The following POR variants were observed in gnomAD, a reference collection of about 807,000 sequenced individuals.
The protein encoded by POR is cytochrome p450 oxidoreductase.
In POR, 56 loss-of-function variants were observed where a neutral mutation model predicts 84.0. That is an observed-to-expected ratio of 0.67 (90% CI 0.54 to 0.83). The LOEUF is 0.83. Ranked by LOEUF, POR falls within the 40% of genes least tolerant of loss-of-function variation. The probability of loss-of-function intolerance (pLI) is 0.00; values close to 1 mark genes in which losing one functional copy is unlikely to be tolerated. For missense variants in POR, 938 were observed against 944.3 expected (o/e 0.99, Z 0.09); for synonymous variants, 414 against 400.5 (o/e 1.03, Z -0.40).
chr7:75,973,626 T>C (rs1392818289), intron 3 of POR, among the ~76,000 whole-genome samples: 5 of 151,092 alleles, frequency 3.3e-5, no homozygotes, highest in East Asian at 1.9e-4. Flanking sequence ...CCTACACTTT[T>C]CTTAAAACAC....
intron 1 of POR, among the ~76,000 whole-genome samples, chr7:75,938,790 A>G (rs1807824186): frequency 6.6e-6 from 1 of 152,120 alleles, no homozygotes; most frequent in Non-Finnish European, 1.5e-5. Flanking sequence ...TTCGCCATCT[A>G]TGCATCCCCA....
chr7:75,919,065 C>T lies in POR; in HGVS notation c.-5+3886C>T, dbSNP rs544363784. Among the ~76,000 whole-genome samples, 61 of 150,632 alleles carry T rather than the reference C, an allele frequency of 4.0e-4. 1 individual carries two copies. In the South Asian group the frequency reaches 0.013, roughly 31 times the overall value. ...CCAGGCTGGAGTGCAGTGGTGTGAT[C>T]TTGGCTCACTGCAACCTCTGTCTCC... On this transcript the variant is annotated intron_variant, in intron 1 of 15. Coordinates refer to ENST00000461988, the MANE Select transcript of POR (RefSeq NM_000941.3).
At position 75,986,429 on chromosome 7, in the gene POR, A is replaced by C; in HGVS notation, c.1991A>C (p.Tyr664Ser). 1.2e-6 allele frequency: 2 copies of C among 1,612,390 alleles called. No homozygotes were observed. The highest frequency in any genetic ancestry group is 1.7e-5 in the Admixed American group (1 of 60,018). Reference sequence around the variant, plus strand: ...ATGGAGCACGCGCAGGCGGTGGACTACATCAAGAAACTGATGACCAAGGGC... The same window carrying C: ...ATGGAGCACGCGCAGGCGGTGGACTCCATCAAGAAACTGATGACCAAGGGC... Residue 664 changes from tyrosine to serine, a missense_variant, in exon 16 of 16, where the codon TAC becomes TCC. Coordinates refer to ENST00000461988, the MANE Select transcript of POR (RefSeq NM_000941.3).
intron 10 of POR, 96 bp from the exon 11 acceptor site, chr7:75,984,681 G>C: frequency 9.0e-7 from 1 of 1,108,224 alleles, no homozygotes; most frequent in Non-Finnish European, 1.4e-6. Context: ...ACCTGTTGCC[G>C]CAGAGCTGGC....
At chr7:75,955,871 A>T (rs1787664211) in intron 2 of POR, among the ~76,000 whole-genome samples, 2 of 152,132 alleles carry the variant, frequency 1.3e-5, no homozygotes, top group South Asian at 4.1e-4. Context: ...CTCACATCAA[A>T]TCCCGATTCC....
chr7:75,951,040 C>T (rs1554552683), intron 1 of POR, among the ~76,000 whole-genome samples: 2 of 113,222 alleles, frequency 1.8e-5, no homozygotes, highest in Non-Finnish European at 3.4e-5. Context: ...GCCTGGGTGA[C>T]AGAGCGAGGC....
At chr7:75,916,146 ATCAGTGGG>A (rs1379263972) in intron 1 of POR, among the ~76,000 whole-genome samples, 2 of 152,092 alleles carry the variant, frequency 1.3e-5, no homozygotes, top group Non-Finnish European at 2.9e-5. Context: ...CCGTTTTCTG[ATCAGTGGG>A]TCTGGTAGTA....
rs1223302280 is a variant in POR, at chr7:75,922,319, GTT to G, written c.-5+7159_-5+7160del. Among the ~76,000 whole-genome samples the G allele has an allele frequency of 6.6e-3, 835 of 125,584 alleles. 2 individuals carry two copies. Among genetic ancestry groups the G allele is most frequent in the Middle Eastern group, 0.029 (7 of 244 alleles). The allele number at this position is 125,584 out of a possible 152,430, so 82.4% of individuals were successfully genotyped here. A position where few individuals can be genotyped will look rare whatever the true frequency, so the allele number is the denominator to read the frequency against. On this transcript the variant is annotated intron_variant, in intron 1 of 15. Coordinates refer to ENST00000461988, the MANE Select transcript of POR (RefSeq NM_000941.3). ...ATGTCAAAATTGGGTCTGATCTGTAGTTTTTTTTTTTTTTTTTTTTGAGACAG... is the reference window on the plus strand; with the variant it reads ...ATGTCAAAATTGGGTCTGATCTGTAGTTTTTTTTTTTTTTTTTTGAGACAG...
intron 1 of POR, chr7:75,922,816 G>A: frequency 2.0e-6 from 1 of 504,546 alleles, no homozygotes. Flanking sequence ...AAAGCAGAAG[G>A]CTTATCAAGG....
Position 75,954,002 on chromosome 7 carries a change from A to G in POR, c.10A>G (p.Met4Val), listed in dbSNP as rs1787568000. The G allele has an allele frequency of 1.3e-6, 2 of 1,595,916 alleles. No individual in the cohort carries two copies. Among genetic ancestry groups the G allele is most frequent in the Middle Eastern group, 1.8e-4 (1 of 5,648 alleles). Reference sequence around the variant, plus strand: ...GTCTCCTAACAGTTTCATGATCAACATGGGAGACTCCCACGTGGACACCAG... The same window carrying G: ...GTCTCCTAACAGTTTCATGATCAACGTGGGAGACTCCCACGTGGACACCAG... The change falls in exon 2 of 16, where the codon ATG (methionine) becomes GTG (valine). Residue 4 changes from methionine (M) to valine (V), a missense_variant. Met to Val is a conservative substitution (Grantham distance 21). Coordinates refer to ENST00000461988, the MANE Select transcript of POR (RefSeq NM_000941.3).
At chr7:75,983,301 G>A (rs782089264) in intron 8 of POR, 17 of 511,302 alleles carry the variant, frequency 3.3e-5, no homozygotes, top group South Asian at 2.9e-4. Context: ...AGATCGCGCC[G>A]CTGCACTCCA....
intron 1 of POR, among the ~76,000 whole-genome samples, chr7:75,947,448 C>A (rs1404314165): frequency 6.6e-6 from 1 of 152,142 alleles, no homozygotes; most frequent in Non-Finnish European, 1.5e-5. Context: ...GCTCGCAGCA[C>A]CACGCCCAGC....
intron 2 of POR, chr7:75,967,950 G>A (rs1788257271): frequency 2.3e-6 from 1 of 429,134 alleles, no homozygotes; most frequent in Admixed American, 2.4e-5. Context: ...CACGGGCCCA[G>A]GCAACTTCCT....
intron 1 of POR, among the ~76,000 whole-genome samples, chr7:75,916,717 GCA>G (rs1178269545): frequency 1.3e-5 from 2 of 152,252 alleles, no homozygotes; most frequent in Non-Finnish European, 2.9e-5. Flanking sequence ...TTCAGGTCTA[GCA>G]CTTGAAGAAA....
At chr7:75,947,407 C>G (rs1210767472) in intron 1 of POR, among the ~76,000 whole-genome samples, 2 of 152,188 alleles carry the variant, frequency 1.3e-5, no homozygotes, top group Non-Finnish European at 2.9e-5. Flanking sequence ...TCCCAAATAG[C>G]TGGGATTACA....
chr7:75,979,379 G>A (rs1245519533), intron 3 of POR, 72 bp from the exon 4 acceptor site: 7 of 1,569,774 alleles, frequency 4.5e-6, no homozygotes, highest in African/African-American at 2.7e-5. Flanking sequence ...TGCCAGGCCT[G>A]CCCAGTGGGT....
intron 3 of POR, among the ~76,000 whole-genome samples, chr7:75,974,733 G>A (rs782248948): frequency 1.3e-5 from 2 of 151,930 alleles, no homozygotes; most frequent in African/African-American, 2.4e-5. Flanking sequence ...TGCCATGTTG[G>A]CCAGGCTGGT....
chr7:75,943,749 G>T, intron 1 of POR: 1 of 405,628 alleles, frequency 2.5e-6, no homozygotes, highest in Non-Finnish European at 4.9e-6. Context: ...AAAAGTATTG[G>T]TAACGTCTTT....
chr7:75,928,566 T>C (rs1807264498), intron 1 of POR, among the ~76,000 whole-genome samples: 2 of 152,114 alleles, frequency 1.3e-5, no homozygotes, highest in African/African-American at 4.8e-5. Flanking sequence ...AAGTTGAACA[T>C]TGAGATGGTG....
Sources: allele counts gnomAD v4.1 joint callset (sites outside exome capture counted in the v4.1 genomes callset), GRCh38; gene constraint gnomAD v4.1.1; transcripts MANE v1.5; gene names NCBI Gene and HGNC (gene_info 2026-07-23, HGNC 2026-07-21).